The following PTPRD variants were observed in gnomAD, a reference collection of about 807,000 sequenced individuals.
PTPRD encodes the protein protein tyrosine phosphatase receptor type D, also known as receptor-type tyrosine-protein phosphatase delta.
Under a neutral mutation model 214.5 loss-of-function variants are expected in PTPRD, and 34 were observed. The observed-to-expected ratio is 0.16, with a 90% confidence interval of 0.12 to 0.21. The LOEUF (loss-of-function observed/expected upper bound fraction) is 0.21, where lower values mean the gene tolerates loss of function less well. Ranked by LOEUF, PTPRD falls within the 10% of genes least tolerant of loss-of-function variation. The pLI is 1.00. For missense variants in PTPRD, 2,545 were observed against 2,398.7 expected, an observed-to-expected ratio of 1.06 and a Z score of -1.27; for synonymous variants, 1,128 against 845.7, an observed-to-expected ratio of 1.33 and a Z score of -5.79.
chr9:9,448,137 C>G (rs2091053771), intron 8 of PTPRD, among the ~76,000 whole-genome samples: 2 of 151,974 alleles, frequency 1.3e-5, no homozygotes, highest in Admixed American at 6.6e-5. Flanking sequence ...GCATTTAAAT[C>G]AGGGTAGTAA....
intron 5 of PTPRD, among the ~76,000 whole-genome samples, chr9:9,770,458 T>C (rs1024430194): frequency 3.3e-5 from 5 of 152,184 alleles, no homozygotes; most frequent in African/African-American, 9.6e-5. Context: ...TACATTTGTA[T>C]TGGTATTAGT....
intron 3 of PTPRD, among the ~76,000 whole-genome samples, chr9:10,169,483 A>G (rs1415685251): frequency 6.6e-6 from 1 of 150,606 alleles, no homozygotes; most frequent in Non-Finnish European, 1.5e-5. Context: ...CAAAAAAAAA[A>G]AAAAAAAAAA....
intron 4 of PTPRD, among the ~76,000 whole-genome samples, chr9:9,949,892 C>G (rs534327848): frequency 1.3e-5 from 2 of 152,234 alleles, no homozygotes; most frequent in East Asian, 3.9e-4. Context: ...AATCATGGCT[C>G]TTCTGAAGCC....
chr9:9,957,119 G>A (rs1324433365), intron 4 of PTPRD, among the ~76,000 whole-genome samples: 4 of 152,056 alleles, frequency 2.6e-5, no homozygotes, highest in Admixed American at 6.6e-5. Flanking sequence ...CATGCCCACT[G>A]TATTCATTTT....
At chr9:10,036,200 T>C (rs117224106) in intron 3 of PTPRD, among the ~76,000 whole-genome samples, 4,328 of 152,216 alleles carry the variant, frequency 0.028, 121 homozygotes, top group Admixed American at 0.089. Flanking sequence ...GGACTGACAG[T>C]CTACATACAC....
intron 4 of PTPRD, among the ~76,000 whole-genome samples, chr9:9,952,485 G>A (rs80203183): frequency 0.026 from 3,922 of 152,152 alleles, 167 homozygotes; most frequent in African/African-American, 0.09. Flanking sequence ...ATAGAATGAT[G>A]GTAAGCAGAA....
intron 2 of PTPRD, among the ~76,000 whole-genome samples, chr9:10,369,923 G>C (rs2097579508): frequency 6.6e-6 from 1 of 152,072 alleles, no homozygotes; most frequent in African/African-American, 2.4e-5. Flanking sequence ...AGAACAAGTA[G>C]TGAGCTTGTG....
rs35772205 is a variant in PTPRD, at chr9:9,547,796, T to TCACA, written c.-237+26932_-237+26935dup. On this transcript the variant is annotated intron_variant, in intron 8 of 45. Coordinates refer to ENST00000381196, the MANE Select transcript of PTPRD (RefSeq NM_002839.4). Reference sequence around the variant, plus strand: ...TAAGAAAGCTCAAATAAACACAAATTCACACACACACACACACACACACAC... The same window carrying TCACA: ...TAAGAAAGCTCAAATAAACACAAATTCACACACACACACACACACACACACACAC... Among the ~76,000 whole-genome samples the TCACA allele has an allele frequency of 8.3e-3, 1,185 of 142,470 alleles. 13 individuals carry two copies. The highest frequency in any genetic ancestry group is 0.025 in the African/African-American group (986 of 39,098). 93.5% of individuals were successfully genotyped at this position (142,470 alleles called of 152,430 possible).
chr9:9,622,194 C>T (rs920656724), intron 7 of PTPRD, among the ~76,000 whole-genome samples: 4 of 152,170 alleles, frequency 2.6e-5, no homozygotes, highest in Non-Finnish European at 5.9e-5. Context: ...CTGCTATGTT[C>T]AACTCTGATT....
intron 8 of PTPRD, among the ~76,000 whole-genome samples, chr9:9,500,560 C>A (rs1226715345): frequency 6.6e-6 from 1 of 151,424 alleles, no homozygotes; most frequent in African/African-American, 2.4e-5. Flanking sequence ...GATGGCACCA[C>A]GGAGGCTTGA....
intron 2 of PTPRD, among the ~76,000 whole-genome samples, chr9:10,343,829 G>A (rs1008112179): frequency 2.6e-5 from 4 of 151,566 alleles, no homozygotes; most frequent in Non-Finnish European, 4.4e-5. Context: ...GGGGTTGTTT[G>A]TTTTTTTCTT....
chr9:9,987,988 C>T (rs964526317), intron 4 of PTPRD, among the ~76,000 whole-genome samples: 3 of 152,030 alleles, frequency 2.0e-5, no homozygotes, highest in South Asian at 2.1e-4. Flanking sequence ...TCATTATAAT[C>T]GAGTCAAAAC....
chr9:8,341,169 A>G lies in PTPRD; in HGVS notation c.5047T>C (p.Ser1683Pro). ...NRLVNIMPYESTRVCLQPIRG... is the reference protein window; with the variant it reads ...NRLVNIMPYEPTRVCLQPIRG... ...ATAGGCTGCAGGCATACCCTTGTGG[A>G]TTCATATGGCATAATATTAACAAGG... is the stretch of plus-strand genomic sequence containing the variant. The change falls in exon 41 of 46, where the codon TCC becomes CCC. Residue 1683 changes from serine (S) to proline (P), a missense_variant. Coordinates refer to ENST00000381196, the MANE Select transcript of PTPRD (RefSeq NM_002839.4). The G allele has an allele frequency of 6.2e-7, 1 of 1,613,236 alleles. No individual in the cohort carries two copies. The highest frequency in any genetic ancestry group is 2.2e-5 in the East Asian group (1 of 44,824).
chr9:10,147,629 C>T (rs916712729), intron 3 of PTPRD, among the ~76,000 whole-genome samples: 1 of 152,140 alleles, frequency 6.6e-6, no homozygotes, highest in Non-Finnish European at 1.5e-5. Context: ...TCTGTAATCC[C>T]AGCACTTTAG....
intron 2 of PTPRD, among the ~76,000 whole-genome samples, chr9:10,524,068 G>A (rs963575402): frequency 3.3e-5 from 5 of 151,950 alleles, no homozygotes; most frequent in South Asian, 2.1e-4. Flanking sequence ...AAGTCCTCAC[G>A]TGAACTTTCC....
At chr9:9,374,272 T>G (rs938251732) in intron 9 of PTPRD, among the ~76,000 whole-genome samples, 1 of 152,054 alleles carries the variant, frequency 6.6e-6, no homozygotes, top group Non-Finnish European at 1.5e-5. Flanking sequence ...CTGTTACTTT[T>G]TAATCTATAT....
intron 7 of PTPRD, among the ~76,000 whole-genome samples, chr9:9,624,277 TTTTGTTTG>T (rs1554723862): frequency 6.6e-6 from 1 of 151,540 alleles, no homozygotes; most frequent in Non-Finnish European, 1.5e-5. Context: ...CTAGTTTTTT[TTTTGTTTG>T]TTTGTTTGTT....
At position 9,372,496 on chromosome 9, in the gene PTPRD, C is replaced by G. The variant is rs540188807; in HGVS notation, c.-203+24953G>C. ...TCTTCCTCCATCCCTTTATTTTGAGCCTACGTGTGTCTCTGCACATGAGAT... is the reference window on the plus strand; with the variant it reads ...TCTTCCTCCATCCCTTTATTTTGAGGCTACGTGTGTCTCTGCACATGAGAT... On this transcript the variant is annotated intron_variant, in intron 9 of 45. Transcript: ENST00000381196. Among the ~76,000 whole-genome samples the G allele has an allele frequency of 6.0e-3, 916 of 152,118 alleles. 5 individuals are homozygous for G. Among genetic ancestry groups the G allele is most frequent in the African/African-American group, 0.021 (887 of 41,492 alleles).
intron 8 of PTPRD, among the ~76,000 whole-genome samples, chr9:9,453,782 T>G (rs1045987815): frequency 2.6e-5 from 4 of 151,756 alleles, no homozygotes; most frequent in African/African-American, 9.7e-5. Flanking sequence ...AAATATTTGT[T>G]TAAAGCATTT....
Sources: allele counts gnomAD v4.1 joint callset (sites outside exome capture counted in the v4.1 genomes callset), GRCh38; gene constraint gnomAD v4.1.1; transcripts MANE v1.5; gene names NCBI Gene and HGNC (gene_info 2026-07-23, HGNC 2026-07-21).